Variants in CNST observed in about 807,000 individuals in gnomAD.
CNST encodes consortin, connexin sorting protein, also known as consortin.
In CNST, 39 loss-of-function variants were observed where a neutral mutation model predicts 72.4. The observed-to-expected ratio is 0.54, with a 90% confidence interval of 0.42 to 0.70. The LOEUF (loss-of-function observed/expected upper bound fraction) is 0.70. Ranked by LOEUF, CNST falls within the 30% of genes least tolerant of loss-of-function variation. The pLI, the probability that CNST is intolerant of heterozygous loss-of-function variation, is 0.00. For synonymous variants in CNST, 332 were observed against 320.1 expected, an observed-to-expected ratio of 1.04 and a Z score of -0.40; for missense variants, 871 against 868.5, an observed-to-expected ratio of 1.00 and a Z score of -0.04.
chr1:246,578,438 T>C (rs534970363), intron 1 of CNST, among the ~76,000 whole-genome samples: 4 of 151,960 alleles, frequency 2.6e-5, no homozygotes, highest in Admixed American at 6.6e-5. Flanking sequence ...TTTGGGAGGC[T>C]GAGGTGGGCG....
intron 3 of CNST, among the ~76,000 whole-genome samples, chr1:246,624,137 T>C (rs1166860961): frequency 2.6e-5 from 4 of 152,340 alleles, no homozygotes; most frequent in African/African-American, 9.6e-5. Context: ...ATTTGTATTA[T>C]CTCCTTTACG....
At chr1:246,613,914 G>A (rs554662927) in intron 2 of CNST, among the ~76,000 whole-genome samples, 16 of 151,254 alleles carry the variant, frequency 1.1e-4, no homozygotes, top group South Asian at 1.1e-3. Context: ...GGCTGGTCTC[G>A]AACTCCTGAC....
intron 2 of CNST, among the ~76,000 whole-genome samples, chr1:246,614,240 G>C (rs770999052): frequency 9.9e-5 from 15 of 152,106 alleles, no homozygotes; most frequent in Non-Finnish European, 1.9e-4. Context: ...TATAGAGACT[G>C]AAGGTAATTT....
chr1:246,599,119 G>T (rs570510835), intron 2 of CNST, among the ~76,000 whole-genome samples: 63 of 150,418 alleles, frequency 4.2e-4, no homozygotes, highest in African/African-American at 1.5e-3. Context: ...TTTATATAGA[G>T]TCAAATAATT....
At chr1:246,593,494 C>T (rs945477779) in intron 2 of CNST, among the ~76,000 whole-genome samples, 1 of 152,038 alleles carries the variant, frequency 6.6e-6, no homozygotes, top group East Asian at 1.9e-4. Flanking sequence ...GTGTGCACCA[C>T]CATGCCCAGC....
intron 2 of CNST, among the ~76,000 whole-genome samples, chr1:246,593,182 AAT>A (rs1305080478): frequency 6.6e-6 from 1 of 152,212 alleles, no homozygotes; most frequent in African/African-American, 2.4e-5. Context: ...ATATTTATTC[AAT>A]AAAGTAATTT....
intron 10 of CNST, among the ~76,000 whole-genome samples, chr1:246,663,511 C>T (rs1341754811): frequency 9.9e-5 from 15 of 152,194 alleles, no homozygotes; most frequent in African/African-American, 3.6e-4. Context: ...GAGGCCAAGG[C>T]GGGCAAATCA....
At chr1:246,610,783 A>C (rs1045844577) in intron 2 of CNST, among the ~76,000 whole-genome samples, 9 of 151,914 alleles carry the variant, frequency 5.9e-5, no homozygotes, top group Non-Finnish European at 1.2e-4. Context: ...GCCCTTTCTA[A>C]GCGTGCGTCG....
At chr1:246,622,255 A>T (rs1184579647) in intron 3 of CNST, among the ~76,000 whole-genome samples, 1 of 152,246 alleles carries the variant, frequency 6.6e-6, no homozygotes, top group African/African-American at 2.4e-5. Context: ...ATGGGTAAAC[A>T]GAGATTACTT....
intron 2 of CNST, among the ~76,000 whole-genome samples, chr1:246,612,422 C>T (rs935991878): frequency 2.1e-4 from 32 of 152,122 alleles, no homozygotes; most frequent in Admixed American, 1.5e-3. Flanking sequence ...AGGCTGGTCT[C>T]GAACTCCTGA....
At chr1:246,617,970 G>A (rs578018181) in intron 2 of CNST, among the ~76,000 whole-genome samples, 2 of 152,304 alleles carry the variant, frequency 1.3e-5, no homozygotes, top group East Asian at 3.9e-4. Context: ...ATTGCAGCAC[G>A]CTTCTTGCAA....
At chr1:246,595,983 G>A (rs1661851496) in intron 2 of CNST, among the ~76,000 whole-genome samples, 1 of 152,076 alleles carries the variant, frequency 6.6e-6, no homozygotes, top group Non-Finnish European at 1.5e-5. Context: ...CAGTATTTGT[G>A]TCAATGGGTA....
chr1:246,654,228 C>G (rs1290664285), intron 9 of CNST, among the ~76,000 whole-genome samples: 1 of 152,190 alleles, frequency 6.6e-6, no homozygotes, highest in East Asian at 1.9e-4. Flanking sequence ...CTCGCCACCT[C>G]CCAGATACAC....
chr1:246,570,960 T>C (rs886144695), intron 1 of CNST, among the ~76,000 whole-genome samples: 2 of 152,220 alleles, frequency 1.3e-5, no homozygotes, highest in Non-Finnish European at 2.9e-5. Context: ...CTTTCCAGTT[T>C]AGGGCCTTCA....
intron 9 of CNST, among the ~76,000 whole-genome samples, chr1:246,648,945 C>A (rs1277636439): frequency 6.6e-6 from 1 of 152,182 alleles, no homozygotes; most frequent in Non-Finnish European, 1.5e-5. Flanking sequence ...AAACAGAAGA[C>A]TGAAAAGCTG....
intron 2 of CNST, among the ~76,000 whole-genome samples, chr1:246,599,686 A>G (rs1364902054): frequency 6.6e-6 from 1 of 152,190 alleles, no homozygotes. Context: ...AGCGAGCAGC[A>G]TATTTATAAG....
chr1:246,619,096 C>G (rs536907880), intron 2 of CNST, among the ~76,000 whole-genome samples: 1 of 151,698 alleles, frequency 6.6e-6, no homozygotes, highest in Non-Finnish European at 1.5e-5. Flanking sequence ...GGAAGCTGAC[C>G]TTATCACAGT....
At chr1:246,661,529 C>T (rs544652242) in intron 10 of CNST, among the ~76,000 whole-genome samples, 1 of 152,310 alleles carries the variant, frequency 6.6e-6, no homozygotes, top group East Asian at 1.9e-4. Context: ...CTCTCGAGAG[C>T]AGCAGTTTTA....
At chr1:246,602,115 A>C (rs1006453691) in intron 2 of CNST, among the ~76,000 whole-genome samples, 1 of 152,222 alleles carries the variant, frequency 6.6e-6, no homozygotes, top group African/African-American at 2.4e-5. Context: ...AACAGACTGC[A>C]CCATTTCCAG....
Sources: gnomAD v4.1 joint callset for allele counts (sites outside exome capture counted in the v4.1 genomes callset) on GRCh38, gnomAD v4.1.1 for gene constraint, MANE v1.5 for transcripts, NCBI Gene and HGNC (gene_info 2026-07-23, HGNC 2026-07-21) for gene names.